The following TASP1 variants were observed in gnomAD, a reference collection of about 807,000 sequenced individuals.
The protein encoded by TASP1 is taspase 1.
A neutral mutation model predicts 56.6 loss-of-function variants in TASP1; 16 were observed. That is an observed-to-expected ratio of 0.28 (90% CI 0.19 to 0.43). The LOEUF is 0.43. Ranked by LOEUF, TASP1 falls within the 20% of genes least tolerant of loss-of-function variation. The pLI, the probability that TASP1 is intolerant of heterozygous loss-of-function variation, is 1.00. For synonymous variants in TASP1, 179 were observed against 184.2 expected, an observed-to-expected ratio of 0.97 and a Z score of 0.23; for missense variants, 393 against 511.6, an observed-to-expected ratio of 0.77 and a Z score of 2.24.
At chr20:13,370,166 T>C in the TASP1 span, among the ~76,000 whole-genome samples, 8 of 152,282 alleles carry the variant, frequency 5.3e-5, no homozygotes, top group Non-Finnish European at 7.4e-5. Flanking sequence ...ATAAAAATTC[T>C]TCAACAAGCA....
intron 11 of TASP1, among the ~76,000 whole-genome samples, chr20:13,464,284 G>A (rs2044166720): frequency 6.6e-6 from 1 of 152,166 alleles, no homozygotes; most frequent in Non-Finnish European, 1.5e-5. Context: ...TTAGGACACA[G>A]AAAACTCACA....
the TASP1 span, among the ~76,000 whole-genome samples, chr20:13,303,075 T>C: frequency 6.6e-6 from 1 of 152,192 alleles, no homozygotes; most frequent in Non-Finnish European, 1.5e-5. Context: ...CCGGCATTAT[T>C]ACATCCAGTC....
the TASP1 span, among the ~76,000 whole-genome samples, chr20:13,263,223 A>T: frequency 2.6e-5 from 4 of 152,308 alleles, no homozygotes; most frequent in Admixed American, 6.5e-5. Context: ...CACAGGCTTC[A>T]TGAGAGCAGC....
At chr20:13,638,325 A>G (rs1265252175) in intron 1 of TASP1, among the ~76,000 whole-genome samples, 1 of 151,772 alleles carries the variant, frequency 6.6e-6, no homozygotes, top group Non-Finnish European at 1.5e-5. Context: ...CGGAAACACG[A>G]TACCCTCGAT....
chr20:13,247,083 A>G, the TASP1 span, among the ~76,000 whole-genome samples: 1 of 152,042 alleles, frequency 6.6e-6, no homozygotes, highest in African/African-American at 2.4e-5. Context: ...TGAAAATACA[A>G]AGCCAGGTGT....
the TASP1 span, among the ~76,000 whole-genome samples, chr20:13,379,716 C>G: frequency 6.6e-6 from 1 of 152,282 alleles, no homozygotes; most frequent in East Asian, 1.9e-4. Context: ...GTACACCAAT[C>G]AAACATAGGT....
intron 13 of TASP1, among the ~76,000 whole-genome samples, chr20:13,412,027 T>C (rs75564812): frequency 0.025 from 3,829 of 152,322 alleles, 68 homozygotes; most frequent in Non-Finnish European, 0.041. Context: ...GCGGCTCTCT[T>C]GCTATGCCTC....
the TASP1 span, among the ~76,000 whole-genome samples, chr20:13,381,716 G>C: frequency 1.3e-5 from 2 of 152,124 alleles, no homozygotes; most frequent in Non-Finnish European, 2.9e-5. Context: ...TCTTTGGAGA[G>C]GGCATCAGTG....
intron 11 of TASP1, among the ~76,000 whole-genome samples, chr20:13,482,741 G>A (rs1038522183): frequency 6.6e-6 from 1 of 152,106 alleles, no homozygotes; most frequent in East Asian, 1.9e-4. Flanking sequence ...CTATTAAGCC[G>A]ATGAATTTGG....
At chr20:13,195,458 G>T in the TASP1 span, among the ~76,000 whole-genome samples, 3 of 152,164 alleles carry the variant, frequency 2.0e-5, no homozygotes, top group Non-Finnish European at 4.4e-5. Flanking sequence ...CCTCAATCAG[G>T]CTAGCCTGTG....
chr20:13,242,250 A>G, the TASP1 span, among the ~76,000 whole-genome samples: 1 of 152,218 alleles, frequency 6.6e-6, no homozygotes, highest in Non-Finnish European at 1.5e-5. Flanking sequence ...CAGGAGGTCA[A>G]TGGTAAAGAA....
Position 13,389,766 on chromosome 20 carries a change from T to G in TASP1, c.*594A>C, listed in dbSNP as rs2123549458. The G allele has an allele frequency of 6.5e-6, 1 of 152,986 alleles. No homozygotes were observed. Among genetic ancestry groups the G allele is most frequent in the East Asian group, 1.9e-4 (1 of 5,192 alleles). 9.5% of individuals were successfully genotyped at this position (152,986 alleles called of 1,614,324 possible). A position where few individuals can be genotyped will look rare whatever the true frequency, so the allele number is the denominator to read the frequency against. On this transcript the variant is annotated 3_prime_UTR_variant, in exon 14 of 14. Transcript: ENST00000337743. Reference sequence around the variant, plus strand: ...TTAATTCTCTGCTAGATTGTTTCACTGAAACCATTCTTTGTTAAAGAAAAA... The same window carrying G: ...TTAATTCTCTGCTAGATTGTTTCACGGAAACCATTCTTTGTTAAAGAAAAA...
chr20:13,586,981 ATAGT>A (rs1169474126), intron 5 of TASP1, among the ~76,000 whole-genome samples: 1 of 152,132 alleles, frequency 6.6e-6, no homozygotes, highest in African/African-American at 2.4e-5. Flanking sequence ...AACAAAAAAT[ATAGT>A]GTGTATTTCA....
intron 4 of TASP1, among the ~76,000 whole-genome samples, chr20:13,618,080 A>G (rs1483431583): frequency 6.6e-6 from 1 of 152,026 alleles, no homozygotes; most frequent in Non-Finnish European, 1.5e-5. Context: ...AGTGTGACCA[A>G]CATTCCCATT....
chr20:13,310,486 G>GAA, the TASP1 span, among the ~76,000 whole-genome samples: 5 of 151,886 alleles, frequency 3.3e-5, no homozygotes, highest in Admixed American at 1.3e-4. Context: ...AAGGAAACAG[G>GAA]AAAAAAAATG....
the TASP1 span, among the ~76,000 whole-genome samples, chr20:13,116,891 A>T: frequency 6.7e-6 from 1 of 150,192 alleles, no homozygotes; most frequent in South Asian, 2.1e-4. Flanking sequence ...GAGGATTCTG[A>T]TGTTCACTCA....
the TASP1 span, among the ~76,000 whole-genome samples, chr20:13,272,417 G>C: frequency 2.6e-5 from 4 of 152,320 alleles, no homozygotes; most frequent in East Asian, 7.7e-4. Context: ...TGTAAGACCT[G>C]TTCCCTCCAA....
the TASP1 span, among the ~76,000 whole-genome samples, chr20:13,172,084 G>A: frequency 1.3e-5 from 2 of 151,808 alleles, no homozygotes; most frequent in Non-Finnish European, 2.9e-5. Context: ...AATGTAAAAC[G>A]ACAAAGAGGA....
intron 10 of TASP1, among the ~76,000 whole-genome samples, chr20:13,508,716 G>A (rs1163054287): frequency 6.6e-6 from 1 of 152,054 alleles, no homozygotes; most frequent in Non-Finnish European, 1.5e-5. Context: ...TACACAAATA[G>A]CCAATAGGTA....
Sources: gnomAD v4.1 joint callset for allele counts (sites outside exome capture counted in the v4.1 genomes callset) on GRCh38, gnomAD v4.1.1 for gene constraint, MANE v1.5 for transcripts, NCBI Gene and HGNC (gene_info 2026-07-23, HGNC 2026-07-21) for gene names.